KLHL29: variants seen among roughly 807,000 people sequenced by gnomAD.
KLHL29 encodes the protein kelch like family member 29, also known as kelch-like protein 29.
Under a neutral mutation model 80.4 loss-of-function variants are expected in KLHL29, and 21 were observed. The ratio of observed to expected loss-of-function variants is 0.26; its 90% CI spans 0.19 to 0.38. The LOEUF (loss-of-function observed/expected upper bound fraction) is 0.38, where lower values mean the gene tolerates loss of function less well. Among genes scored for constraint, KLHL29 ranks in the 10% least tolerant of loss-of-function variants. The pLI, the probability that KLHL29 is intolerant of heterozygous loss-of-function variation, is 1.00. For synonymous variants in KLHL29, 511 were observed against 526.8 expected, an observed-to-expected ratio of 0.97 and a Z score of 0.41; for missense variants, 867 against 1,223.9, an observed-to-expected ratio of 0.71 and a Z score of 4.35.
chr2:23,479,875 C>T (rs897979881), intron 2 of KLHL29, among the ~76,000 whole-genome samples: 1 of 152,202 alleles, frequency 6.6e-6, no homozygotes, highest in Non-Finnish European at 1.5e-5. Flanking sequence ...GGCACAGGGC[C>T]CTGTTCATGC....
intron 2 of KLHL29, among the ~76,000 whole-genome samples, chr2:23,489,228 C>T (rs1055483977): frequency 2.6e-5 from 4 of 152,098 alleles, no homozygotes; most frequent in East Asian, 1.9e-4. Context: ...TGTTCCCCAG[C>T]GGGGTGCTGA....
intron 1 of KLHL29, among the ~76,000 whole-genome samples, chr2:23,422,072 T>C (rs1662829556): frequency 6.6e-6 from 1 of 151,878 alleles, no homozygotes; most frequent in Non-Finnish European, 1.5e-5. Flanking sequence ...TGTGTGTCAG[T>C]GTGTCTCCCT....
chr2:23,656,971 C>T (rs1425236799), intron 5 of KLHL29, among the ~76,000 whole-genome samples: 1 of 151,538 alleles, frequency 6.6e-6, no homozygotes, highest in Non-Finnish European at 1.5e-5. Context: ...TACCATCATC[C>T]ATGCACATTC....
intron 5 of KLHL29, among the ~76,000 whole-genome samples, chr2:23,658,076 GCCCTCCT>G (rs552563626): frequency 6.6e-6 from 1 of 151,772 alleles, no homozygotes; most frequent in Non-Finnish European, 1.5e-5. Flanking sequence ...TCCATGCTTG[GCCCTCCT>G]CCCTCCTCCC....
chr2:23,693,563 G>A, intron 8 of KLHL29, 35 bp downstream of exon 8: 1 of 1,533,882 alleles, frequency 6.5e-7, no homozygotes, highest in Non-Finnish European at 8.8e-7. Flanking sequence ...CCTTCTCTCT[G>A]GGTTTGGGGT....
chr2:23,455,995 G>A (rs926247554), intron 1 of KLHL29, among the ~76,000 whole-genome samples: 16 of 152,150 alleles, frequency 1.1e-4, no homozygotes, highest in Admixed American at 5.9e-4. Flanking sequence ...TGAGGACTTC[G>A]TGAGAAAGCG....
Position 23,696,838 on chromosome 2 carries a change from C to A in KLHL29, c.2105+325C>A. On this transcript the variant is annotated intron_variant, in intron 11 of 13. Transcript: ENST00000486442. This position sits in a 1 kb window ranked among gnomAD's most constrained non-coding sequence, Gnocchi z 5.5. ...AAGGCCTGGGATGAGCCAGACCCTC[C>A]TGGCCAGGCAGTCAGGGAACACCCT... is the stretch of plus-strand genomic sequence containing the variant. The A allele has an allele frequency of 3.9e-6, 1 of 257,170 alleles. No individual in the cohort carries two copies. The highest frequency in any genetic ancestry group is 6.2e-5 in the South Asian group (1 of 16,012). The allele number at this position is 257,170 out of a possible 1,614,324, so 15.9% of individuals were successfully genotyped here. A position where few individuals can be genotyped will look rare whatever the true frequency, so the allele number is the denominator to read the frequency against.
At chr2:23,628,705 C>A (rs1380809823) in intron 3 of KLHL29, among the ~76,000 whole-genome samples, 2 of 152,214 alleles carry the variant, frequency 1.3e-5, no homozygotes, top group Non-Finnish European at 2.9e-5. Context: ...GAGGGCCAGG[C>A]CCCATCCACA....
chr2:23,604,393 C>T (rs887043650), intron 3 of KLHL29, among the ~76,000 whole-genome samples: 7 of 152,178 alleles, frequency 4.6e-5, no homozygotes, highest in Admixed American at 4.6e-4. Flanking sequence ...CTGCGCCCGG[C>T]CTGGAAGATC....
intron 1 of KLHL29, among the ~76,000 whole-genome samples, chr2:23,459,714 C>T (rs1204402214): frequency 1.3e-5 from 2 of 152,188 alleles, no homozygotes; most frequent in African/African-American, 4.8e-5. Context: ...GGTTAGTGCC[C>T]ATGCCACATC....
Position 23,563,634 on chromosome 2 carries a change from C to T in KLHL29, c.285+1153C>T, listed in dbSNP as rs371410743. On this transcript the variant is annotated intron_variant, in intron 3 of 13. Coordinates refer to ENST00000486442, the MANE Select transcript of KLHL29 (RefSeq NM_052920.2). The stretch of plus-strand genomic sequence containing the variant: ...AGGTGGCTGTGGTGCTGGAAAGCCG[C>T]GCTCCAGGTGTGCTGCGCCTTTGTC... Among the ~76,000 whole-genome samples, 176 of 152,244 alleles carry T rather than the reference C, an allele frequency of 1.2e-3. 2 individuals are homozygous for T. Among genetic ancestry groups the T allele is most frequent in the Non-Finnish European group, 9.0e-4 (61 of 68,016 alleles).
intron 5 of KLHL29, among the ~76,000 whole-genome samples, chr2:23,654,706 G>GGGGGGGGGGGGGGT (rs1670191773): frequency 3.8e-5 from 2 of 52,536 alleles, no homozygotes; most frequent in African/African-American, 4.7e-5. Context: ...TGGGGGGGGG[G>GGGGGGGGGGGGGGT]GGTGGATGTT....
chr2:23,452,789 C>G (rs1238399523), intron 1 of KLHL29, among the ~76,000 whole-genome samples: 1 of 152,142 alleles, frequency 6.6e-6, no homozygotes. Context: ...AAATGTATCC[C>G]TCAACGCTGA....
intron 5 of KLHL29, among the ~76,000 whole-genome samples, chr2:23,651,830 G>GT (rs1465198819): frequency 1.3e-5 from 2 of 152,012 alleles, no homozygotes; most frequent in African/African-American, 4.8e-5. Flanking sequence ...GTATCCTCAC[G>GT]TGGCCTTTCC....
chr2:23,553,412 G>T (rs1667178596), intron 2 of KLHL29, among the ~76,000 whole-genome samples: 1 of 152,220 alleles, frequency 6.6e-6, no homozygotes, highest in Non-Finnish European at 1.5e-5. Context: ...GGAGAAGGCT[G>T]GCATCAGCCT....
At chr2:23,399,219 T>G (rs1476724376) in intron 1 of KLHL29, among the ~76,000 whole-genome samples, 1 of 152,262 alleles carries the variant, frequency 6.6e-6, no homozygotes, top group Non-Finnish European at 1.5e-5. Context: ...ATCTTTGTGC[T>G]GTCACTGCAT....
intron 1 of KLHL29, among the ~76,000 whole-genome samples, chr2:23,442,565 G>A (rs1229699327): frequency 1.3e-5 from 2 of 152,174 alleles, no homozygotes; most frequent in African/African-American, 4.8e-5. Flanking sequence ...AAGAAAATGG[G>A]CCTTCCCCGG....
At chr2:23,445,805 A>G (rs189044652) in intron 1 of KLHL29, among the ~76,000 whole-genome samples, 3 of 152,350 alleles carry the variant, frequency 2.0e-5, no homozygotes, top group African/African-American at 4.8e-5. Flanking sequence ...TGAATGAGAA[A>G]TGAGTGTTTC....
At chr2:23,692,356 C>T (rs1334006976) in intron 7 of KLHL29, among the ~76,000 whole-genome samples, 3 of 152,250 alleles carry the variant, frequency 2.0e-5, no homozygotes, top group African/African-American at 7.2e-5. Context: ...AGGATGGGGA[C>T]TGAGTGTCAG....
Sources: gnomAD v4.1 joint callset for allele counts (sites outside exome capture counted in the v4.1 genomes callset) on GRCh38, gnomAD v4.1.1 for gene constraint, Gnocchi (gnomAD v3.1) non-coding constraint, MANE v1.5 for transcripts, NCBI Gene and HGNC (gene_info 2026-07-23, HGNC 2026-07-21) for gene names.